Variants in SYN2 observed in about 807,000 individuals in gnomAD.
The protein encoded by SYN2 is synapsin II.
SYN2 carries 19 observed loss-of-function variants against 50.9 expected under a neutral mutation model. The ratio of observed to expected loss-of-function variants is 0.37; its 90% CI spans 0.26 to 0.55. The LOEUF (loss-of-function observed/expected upper bound fraction) is 0.55, where lower values mean the gene tolerates loss of function less well. Ranked by LOEUF, SYN2 falls within the 20% of genes least tolerant of loss-of-function variation. SYN2 has a pLI of 0.81. For missense variants in SYN2, 587 were observed against 576.4 expected (o/e 1.02, Z -0.19); for synonymous variants, 255 against 224.9 (o/e 1.13, Z -1.20).
intron 1 of SYN2, among the ~76,000 whole-genome samples, chr3:12,105,145 C>T (rs1160244093): frequency 1.3e-5 from 2 of 152,138 alleles, no homozygotes; most frequent in Non-Finnish European, 2.9e-5. Context: ...CTGATTTCAC[C>T]TGTTCATCAA....
At chr3:12,130,399 A>G (rs1410744557) in intron 1 of SYN2, among the ~76,000 whole-genome samples, 3 of 152,140 alleles carry the variant, frequency 2.0e-5, no homozygotes, top group South Asian at 2.1e-4. Flanking sequence ...AGCCAATGGT[A>G]TAAGTTTCAA....
At chr3:12,144,012 A>G (rs1293525874) in intron 3 of SYN2, among the ~76,000 whole-genome samples, 1 of 152,184 alleles carries the variant, frequency 6.6e-6, no homozygotes, top group African/African-American at 2.4e-5. Context: ...TGGTGGGCGG[A>G]TGGCTGCCTG....
At chr3:12,065,414 C>T (rs541710565) in intron 1 of SYN2, among the ~76,000 whole-genome samples, 5 of 152,180 alleles carry the variant, frequency 3.3e-5, no homozygotes, top group Admixed American at 6.5e-5. Flanking sequence ...ATATGTTTGT[C>T]GTAGCACTAT....
chr3:12,144,402 G>A (rs1227828042), intron 3 of SYN2, among the ~76,000 whole-genome samples: 1 of 152,150 alleles, frequency 6.6e-6, no homozygotes. Flanking sequence ...TGAGGGCATT[G>A]CCTATTTTAA....
chr3:12,157,117 A>G (rs2279750), intron 5 of SYN2, among the ~76,000 whole-genome samples: 2 of 152,100 alleles, frequency 1.3e-5, no homozygotes, highest in Non-Finnish European at 2.9e-5. Context: ...ACAACAAAAA[A>G]CACCTAAACC....
intron 1 of SYN2, among the ~76,000 whole-genome samples, chr3:12,051,766 A>C (rs1412759599): frequency 6.6e-6 from 1 of 152,196 alleles, no homozygotes; most frequent in Non-Finnish European, 1.5e-5. Flanking sequence ...AGTTGTCAAG[A>C]ATGTTCTTTG....
intron 1 of SYN2, 63 bp from the exon 2 acceptor site, chr3:12,140,588 G>T: frequency 1.4e-6 from 1 of 719,628 alleles, no homozygotes; most frequent in East Asian, 2.7e-5. Flanking sequence ...CTTTGTAATA[G>T]TAAATGTCTG....
intron 1 of SYN2, among the ~76,000 whole-genome samples, chr3:12,114,890 G>T (rs1696397545): frequency 6.6e-6 from 1 of 152,106 alleles, no homozygotes; most frequent in Non-Finnish European, 1.5e-5. Flanking sequence ...GCTAACATGA[G>T]AGCTTTCTAT....
intron 11 of SYN2, chr3:12,185,012 G>A (rs1224613916): frequency 1.0e-6 from 1 of 985,686 alleles, no homozygotes; most frequent in East Asian, 1.1e-4. Context: ...CGTATCCAGG[G>A]GCTTGTGCCT....
At chr3:12,161,717 A>G (rs1469022084) in intron 6 of SYN2, 109 bp downstream of exon 6, 2 of 1,346,156 alleles carry the variant, frequency 1.5e-6, no homozygotes, top group Non-Finnish European at 2.1e-6. Context: ...AATTCTTTCC[A>G]AAGAGAAGAT....
chr3:12,158,850 G>A (rs749233065), intron 5 of SYN2: 49 of 1,563,252 alleles, frequency 3.1e-5, no homozygotes, highest in Non-Finnish European at 3.3e-5. Context: ...TGACACTGCA[G>A]ATCCGCGACT....
chr3:12,073,928 A>G (rs899782591), intron 1 of SYN2, among the ~76,000 whole-genome samples: 9 of 152,310 alleles, frequency 5.9e-5, no homozygotes, highest in Admixed American at 2.0e-4. Flanking sequence ...TCAATTATCT[A>G]GAGAGGTTTG....
At chr3:12,050,090 A>T (rs1008814215) in intron 1 of SYN2, among the ~76,000 whole-genome samples, 2 of 151,770 alleles carry the variant, frequency 1.3e-5, no homozygotes, top group African/African-American at 4.8e-5. Flanking sequence ...TAGTAAAGAC[A>T]GGGTTTCACT....
intron 5 of SYN2, among the ~76,000 whole-genome samples, chr3:12,160,430 G>A (rs1245657001): frequency 2.0e-5 from 3 of 152,142 alleles, no homozygotes; most frequent in Non-Finnish European, 4.4e-5. Context: ...GTTCCCATAG[G>A]AGTCTGACTT....
At chr3:12,134,149 A>G (rs545402850) in intron 1 of SYN2, among the ~76,000 whole-genome samples, 8 of 152,250 alleles carry the variant, frequency 5.3e-5, no homozygotes, top group East Asian at 1.9e-4. Context: ...CATTAACAGA[A>G]TGCTTAAAAA....
intron 11 of SYN2, 51 bp downstream of exon 11, chr3:12,183,423 C>G: frequency 6.2e-7 from 1 of 1,611,810 alleles, no homozygotes; most frequent in East Asian, 2.2e-5. Flanking sequence ...AGGGCCAAAA[C>G]AAGTCCAAGC....
chr3:12,182,849 T>C (rs1383766202), intron 10 of SYN2, among the ~76,000 whole-genome samples: 1 of 152,236 alleles, frequency 6.6e-6, no homozygotes, highest in Non-Finnish European at 1.5e-5. Context: ...CCTGCCCTCC[T>C]GCTCACCTGC....
chr3:12,078,316 A>G (rs1433140638), intron 1 of SYN2, among the ~76,000 whole-genome samples: 2 of 152,334 alleles, frequency 1.3e-5, no homozygotes, highest in Non-Finnish European at 2.9e-5. Flanking sequence ...CTTTAGTTTA[A>G]TTATATCCCA....
chr3:12,092,052 T>C (rs1695841498), intron 1 of SYN2, among the ~76,000 whole-genome samples: 1 of 152,164 alleles, frequency 6.6e-6, no homozygotes, highest in South Asian at 2.1e-4. Context: ...CAATCCATTC[T>C]TCTTTTTGCA....
Sources: gnomAD v4.1 joint callset for allele counts (sites outside exome capture counted in the v4.1 genomes callset) on GRCh38, gnomAD v4.1.1 for gene constraint, MANE v1.5 for transcripts, NCBI Gene and HGNC (gene_info 2026-07-23, HGNC 2026-07-21) for gene names.